The following AK3 variants were observed in gnomAD, a reference collection of about 807,000 sequenced individuals.
AK3 encodes the protein GTP:AMP phosphotransferase AK3, mitochondrial.
Under a neutral mutation model 23.7 loss-of-function variants are expected in AK3, and 27 were observed. The observed-to-expected ratio is 1.14, with a 90% CI of 0.84 to 1.57. The LOEUF (loss-of-function observed/expected upper bound fraction) is 1.57, where lower values mean the gene tolerates loss of function less well. Ranked by LOEUF, AK3 falls within the 40% of genes most tolerant of loss-of-function variation. The probability of loss-of-function intolerance (pLI) is 0.00; values close to 1 mark genes in which losing one functional copy is unlikely to be tolerated. For synonymous variants in AK3, 159 were observed against 116.0 expected, an observed-to-expected ratio of 1.37 and a Z score of -2.38; for missense variants, 406 against 285.6, an observed-to-expected ratio of 1.42 and a Z score of -3.04.
chr9:4,740,621 C>T lies in AK3; in HGVS notation c.151+316G>A, dbSNP rs1264890522. 3.3e-5 allele frequency among the ~76,000 whole-genome samples: 5 copies of T among 152,226 alleles called. No homozygotes were observed. The South Asian group carries it at 6.2e-4, about 19-fold the overall frequency. On this transcript the variant is annotated intron_variant, in intron 1 of 4. Transcript: ENST00000381809. ...AGCTGCGGCTCAGCTCGATGGACCC[C>T]CAAGAGTGGCTGCCACTGGGAGGAC...
At chr9:4,732,184 A>T (rs868177926) in intron 1 of AK3, among the ~76,000 whole-genome samples, 1 of 152,166 alleles carries the variant, frequency 6.6e-6, no homozygotes, top group African/African-American at 2.4e-5. Flanking sequence ...CCTGGGCTTA[A>T]GTGATCCTCC....
chr9:4,729,845 A>G (rs1027933904), intron 1 of AK3, among the ~76,000 whole-genome samples: 1 of 151,920 alleles, frequency 6.6e-6, no homozygotes, highest in Admixed American at 6.6e-5. Context: ...AAAAAAAAAA[A>G]AAAAGAAATA....
chr9:4,726,868 G>A (rs1036019155), intron 1 of AK3, among the ~76,000 whole-genome samples: 1 of 151,976 alleles, frequency 6.6e-6, no homozygotes, highest in African/African-American at 2.4e-5. Flanking sequence ...AACAAAACTT[G>A]AGAGTTGAAA....
chr9:4,721,037 G>A (rs2130884052), intron 2 of AK3, among the ~76,000 whole-genome samples: 1 of 152,226 alleles, frequency 6.6e-6, no homozygotes, highest in East Asian at 1.9e-4. Context: ...ACCTCATAAA[G>A]AAGCAAGACT....
intron 4 of AK3, among the ~76,000 whole-genome samples, chr9:4,716,368 G>A (rs536146886): frequency 6.6e-6 from 1 of 152,198 alleles, no homozygotes; most frequent in East Asian, 1.9e-4. Flanking sequence ...TGCTGACAAT[G>A]AATGATTTAA....
chr9:4,729,490 C>T (rs1842105273), intron 1 of AK3, among the ~76,000 whole-genome samples: 1 of 151,838 alleles, frequency 6.6e-6, no homozygotes, highest in Non-Finnish European at 1.5e-5. Context: ...GGGGGAAAGA[C>T]AGTTACCATA....
intron 1 of AK3, among the ~76,000 whole-genome samples, chr9:4,736,570 T>C (rs919947980): frequency 6.6e-6 from 1 of 151,916 alleles, no homozygotes; most frequent in South Asian, 2.1e-4. Context: ...TGAAGAAATA[T>C]AGAATCCAGG....
At chr9:4,727,869 G>A (rs895010877) in intron 1 of AK3, among the ~76,000 whole-genome samples, 6 of 152,164 alleles carry the variant, frequency 3.9e-5, no homozygotes, top group Non-Finnish European at 8.8e-5. Flanking sequence ...AGAGGCCACT[G>A]TAGGGTTATT....
intron 2 of AK3, among the ~76,000 whole-genome samples, chr9:4,721,799 G>C (rs1047967397): frequency 6.6e-6 from 1 of 152,142 alleles, no homozygotes; most frequent in Non-Finnish European, 1.5e-5. Context: ...TTATATCTGT[G>C]CTTATCCAAG....
At chr9:4,723,376 G>C (rs575781077) in intron 1 of AK3, among the ~76,000 whole-genome samples, 1 of 152,182 alleles carries the variant, frequency 6.6e-6, no homozygotes, top group African/African-American at 2.4e-5. Flanking sequence ...TTATTGGAGA[G>C]ACTTTTCCAA....
chr9:4,718,433 G>T lies in AK3; in HGVS notation c.549C>A (p.Val183=), dbSNP rs887211999. ...CAAAAACTCACTGGTAATATTCCAG[G>T]ACTGGCTTTGTTTGGTCTTCATAAG... The part of the protein sequence containing the change: ...LKAYEDQTKP[V]LEYYQKKGVL... The change falls in exon 4 of 5, where the codon GTC becomes GTA. Residue 183 remains valine (V), a synonymous_variant. Coordinates refer to ENST00000381809, the MANE Select transcript of AK3 (RefSeq NM_016282.4). 6.2e-7 allele frequency: 1 copy of T among 1,612,068 alleles called. No homozygotes were observed. Among genetic ancestry groups the T allele is most frequent in the Non-Finnish European group, 8.5e-7 (1 of 1,179,378 alleles).
intron 4 of AK3, among the ~76,000 whole-genome samples, chr9:4,716,562 TGACAAAATTATAG>T (rs1841730192): frequency 6.6e-6 from 1 of 152,156 alleles, no homozygotes; most frequent in Admixed American, 6.5e-5. Context: ...ATTAAACAAA[TGACAAAATTATAG>T]TAACAGCTAC....
intron 1 of AK3, among the ~76,000 whole-genome samples, chr9:4,723,038 T>C (rs921201713): frequency 5.3e-5 from 8 of 151,954 alleles, no homozygotes; most frequent in Non-Finnish European, 1.0e-4. Flanking sequence ...GCCATTGCAC[T>C]TCAGCCTGGG....
At chr9:4,730,053 C>T (rs1842118195) in intron 1 of AK3, among the ~76,000 whole-genome samples, 1 of 152,070 alleles carries the variant, frequency 6.6e-6, no homozygotes. Context: ...TTCAAACATG[C>T]TCAGTGAAAG....
At chr9:4,724,095 C>T (rs1841966379) in intron 1 of AK3, among the ~76,000 whole-genome samples, 1 of 152,162 alleles carries the variant, frequency 6.6e-6, no homozygotes, top group Admixed American at 6.6e-5. Flanking sequence ...TCATGTGGCA[C>T]GTGTGCTGCT....
intron 1 of AK3, among the ~76,000 whole-genome samples, chr9:4,726,702 T>A (rs1034080390): frequency 1.3e-5 from 2 of 151,722 alleles, no homozygotes; most frequent in African/African-American, 4.8e-5. Context: ...CCTGTTAATG[T>A]TGACACTTTG....
intron 4 of AK3, among the ~76,000 whole-genome samples, chr9:4,718,066 C>T (rs989637284): frequency 1.3e-5 from 2 of 152,208 alleles, no homozygotes; most frequent in African/African-American, 2.4e-5. Flanking sequence ...CCGAGTGGTG[C>T]TCTGGGCTTC....
Position 4,741,010 on chromosome 9 carries a change from G to A in AK3, c.78C>T (p.Arg26=), listed in dbSNP as rs1842418008. ...PGSGKGTVSS[R]ITTHFELKHL... ...GCTTCAGCTCGAAGTGTGTAGTGAT[G>A]CGCGACGACACGGTGCCCTTGCCCG... The change falls in exon 1 of 5, where the codon CGC becomes CGT. Residue 26 remains arginine, a synonymous_variant. Coordinates refer to ENST00000381809, the MANE Select transcript of AK3 (RefSeq NM_016282.4). 1.9e-6 allele frequency: 3 copies of A among 1,594,442 alleles called. No individual in the cohort carries two copies. The highest frequency in any genetic ancestry group is 1.4e-5 in the African/African-American group (1 of 72,662).
At position 4,741,181 on chromosome 9, in the gene AK3, G is replaced by C. The variant is rs1162935348; in HGVS notation, c.-94C>G. 28 of 1,277,006 alleles carry C rather than the reference G, an allele frequency of 2.2e-5. No individual in the cohort carries two copies. Among genetic ancestry groups the C allele is most frequent in the African/African-American group, 6.3e-5 (4 of 63,664 alleles). The allele number at this position is 1,277,006 out of a possible 1,614,324, so 79.1% of individuals were successfully genotyped here. ...GGCAGCCTGCGCCGGCCGGCTAGCA[G>C]CGCCACTAGCAGGCGGCTACTGCGG... is the stretch of plus-strand genomic sequence containing the variant. On this transcript the variant is annotated 5_prime_UTR_variant, in exon 1 of 5. Transcript: ENST00000381809.
Sources: allele counts gnomAD v4.1 joint callset (sites outside exome capture counted in the v4.1 genomes callset), GRCh38; gene constraint gnomAD v4.1.1; transcripts MANE v1.5; gene names NCBI Gene and HGNC (gene_info 2026-07-23, HGNC 2026-07-21).